LNX1: variants seen among roughly 807,000 people sequenced by gnomAD.
The protein encoded by LNX1 is ligand of numb-protein X 1, also known as E3 ubiquitin-protein ligase LNX.
In LNX1, 54 loss-of-function variants were observed where a neutral mutation model predicts 68.4. The ratio of observed to expected loss-of-function variants is 0.79; its 90% CI spans 0.63 to 0.99. LNX1 has a LOEUF of 0.99. Among genes scored for constraint, LNX1 ranks in the 50% least tolerant of loss-of-function variants. The pLI, the probability that LNX1 is intolerant of heterozygous loss-of-function variation, is 0.00. For missense variants in LNX1, 906 were observed against 926.4 expected (o/e 0.98, Z 0.29); for synonymous variants, 336 against 350.0 (o/e 0.96, Z 0.45).
At chr4:53,553,308 G>C (rs979072397) in intron 2 of LNX1, among the ~76,000 whole-genome samples, 4 of 152,162 alleles carry the variant, frequency 2.6e-5, no homozygotes, top group Non-Finnish European at 5.9e-5. Context: ...TGGGGAGTTT[G>C]TCAAGAATGA....
chr4:53,480,588 T>C (rs1723847780), intron 7 of LNX1, among the ~76,000 whole-genome samples: 1 of 152,202 alleles, frequency 6.6e-6, no homozygotes. Context: ...TCCTTATCCA[T>C]AAAATGTTTT....
At chr4:53,561,660 C>T (rs1395895168) in intron 2 of LNX1, among the ~76,000 whole-genome samples, 1 of 152,190 alleles carries the variant, frequency 6.6e-6, no homozygotes, top group African/African-American at 2.4e-5. Flanking sequence ...AAGAAACTCC[C>T]AGGACACTGG....
chr4:53,536,342 G>T (rs912968311), intron 2 of LNX1, among the ~76,000 whole-genome samples: 1 of 150,438 alleles, frequency 6.6e-6, no homozygotes, highest in Non-Finnish European at 1.5e-5. Flanking sequence ...CTTCAAGAGG[G>T]GACTTTTACA....
At chr4:53,583,972 A>AACAACAACAACG (rs1553941104) in intron 1 of LNX1, among the ~76,000 whole-genome samples, 1 of 144,516 alleles carries the variant, frequency 6.9e-6, no homozygotes, top group Non-Finnish European at 1.6e-5. Context: ...CAACAACAAC[A>AACAACAACAACG]ACGACAAATG....
At chr4:53,538,942 T>C (rs893655005) in intron 2 of LNX1, among the ~76,000 whole-genome samples, 3 of 152,172 alleles carry the variant, frequency 2.0e-5, no homozygotes, top group Non-Finnish European at 4.4e-5. Flanking sequence ...CGATTAACAG[T>C]CATGCACAGA....
chr4:53,610,001 A>G (rs1733416087), intron 2 of LNX1, among the ~76,000 whole-genome samples: 1 of 151,816 alleles, frequency 6.6e-6, no homozygotes, highest in South Asian at 2.1e-4. Flanking sequence ...GTGAAATGGT[A>G]AAGTCAAGAT....
intron 2 of LNX1, among the ~76,000 whole-genome samples, chr4:53,525,017 C>A (rs1326184947): frequency 1.3e-5 from 2 of 152,118 alleles, no homozygotes; most frequent in South Asian, 4.1e-4. Context: ...GATTTGGAAG[C>A]TTTCAGAAAG....
At chr4:53,504,921 G>C (rs1725767365) in intron 4 of LNX1, among the ~76,000 whole-genome samples, 1 of 152,114 alleles carries the variant, frequency 6.6e-6, no homozygotes, top group South Asian at 2.1e-4. Flanking sequence ...AAAGATAACT[G>C]ATCACATGTC....
At chr4:53,468,409 C>G (rs1272414354) in intron 9 of LNX1, among the ~76,000 whole-genome samples, 2 of 152,158 alleles carry the variant, frequency 1.3e-5, no homozygotes, top group African/African-American at 4.8e-5. Flanking sequence ...TAAAGACCAT[C>G]GAGGCTAAGA....
At chr4:53,473,407 C>T (rs1191675161) in intron 9 of LNX1, among the ~76,000 whole-genome samples, 2 of 152,132 alleles carry the variant, frequency 1.3e-5, no homozygotes, top group Admixed American at 6.6e-5. Flanking sequence ...AACCTAAATG[C>T]CCATCAATGG....
intron 2 of LNX1, among the ~76,000 whole-genome samples, chr4:53,511,633 T>C (rs1281676087): frequency 6.6e-6 from 1 of 152,162 alleles, no homozygotes; most frequent in Non-Finnish European, 1.5e-5. Flanking sequence ...TGTCTTAATA[T>C]AAGAATGTTA....
intron 9 of LNX1, among the ~76,000 whole-genome samples, chr4:53,465,986 A>C (rs75510082): frequency 0.018 from 2,751 of 152,288 alleles, 84 homozygotes; most frequent in African/African-American, 0.063. Flanking sequence ...CTTTAATTAA[A>C]TACTCTTTCA....
At chr4:53,627,824 G>A (rs1433244593) in intron 1 of LNX1, among the ~76,000 whole-genome samples, 1 of 152,194 alleles carries the variant, frequency 6.6e-6, no homozygotes, top group African/African-American at 2.4e-5. Context: ...AGTTAGAGCA[G>A]AAACCCTCCT....
intron 1 of LNX1, chr4:53,579,157 G>T: frequency 2.1e-6 from 1 of 481,074 alleles, no homozygotes; most frequent in Non-Finnish European, 2.7e-6. Context: ...CAGCATCTCT[G>T]GCCCTAACTG....
intron 1 of LNX1, among the ~76,000 whole-genome samples, chr4:53,576,783 A>G (rs570628731): frequency 2.0e-5 from 3 of 152,224 alleles, no homozygotes; most frequent in Non-Finnish European, 4.4e-5. Context: ...ACATTTGGAA[A>G]CAGCCCAGCA....
intron 2 of LNX1, among the ~76,000 whole-genome samples, chr4:53,545,423 A>G (rs916216273): frequency 6.6e-6 from 1 of 152,132 alleles, no homozygotes; most frequent in Non-Finnish European, 1.5e-5. Flanking sequence ...CCATGACAAC[A>G]CAGTAGCGAT....
chr4:53,482,661 T>C (rs1724025264), intron 6 of LNX1, among the ~76,000 whole-genome samples: 1 of 152,178 alleles, frequency 6.6e-6, no homozygotes, highest in Non-Finnish European at 1.5e-5. Flanking sequence ...GCTCTGGAGA[T>C]GCAGAGGCAG....
chr4:53,568,633 T>A (rs551159537), intron 2 of LNX1, among the ~76,000 whole-genome samples: 1 of 126,098 alleles, frequency 7.9e-6, no homozygotes, highest in East Asian at 2.4e-4. Flanking sequence ...ACCACTCCTA[T>A]TCAACATAGT....
At chr4:53,602,740 G>A (rs186918106) in intron 2 of LNX1, 1 of 152,364 alleles carries the variant, frequency 6.6e-6, no homozygotes, top group Admixed American at 6.5e-5. Context: ...TTGGGTGATA[G>A]TTCACAAGGC....
Sources: gnomAD v4.1 joint callset for allele counts (sites outside exome capture counted in the v4.1 genomes callset) on GRCh38, gnomAD v4.1.1 for gene constraint, MANE v1.5 for transcripts, NCBI Gene and HGNC (gene_info 2026-07-23, HGNC 2026-07-21) for gene names.